ETFDH: variants seen among roughly 807,000 people sequenced by gnomAD.
The protein encoded by ETFDH is electron transfer flavoprotein-ubiquinone oxidoreductase, mitochondrial.
A neutral mutation model predicts 73.2 loss-of-function variants in ETFDH; 61 were observed. The ratio of observed to expected loss-of-function variants is 0.83; its 90% CI spans 0.68 to 1.03. The LOEUF (loss-of-function observed/expected upper bound fraction) is 1.03. Among genes scored for constraint, ETFDH ranks in the 50% least tolerant of loss-of-function variants. The probability of loss-of-function intolerance (pLI) is 0.00; values close to 1 mark genes in which losing one functional copy is unlikely to be tolerated. For synonymous variants in ETFDH, 243 were observed against 253.3 expected (o/e 0.96, Z 0.39); for missense variants, 685 against 745.0 (o/e 0.92, Z 0.94).
chr4:158,685,411 T>C (rs935591259), intron 5 of ETFDH, among the ~76,000 whole-genome samples, 192 bp downstream of exon 5: 3 of 152,194 alleles, frequency 2.0e-5, no homozygotes, highest in Non-Finnish European at 4.4e-5. Context: ...CCCCATCAAG[T>C]GATTATCCAA....
At chr4:158,674,184 A>T (rs894736254) in intron 1 of ETFDH, among the ~76,000 whole-genome samples, 1 of 152,208 alleles carries the variant, frequency 6.6e-6, no homozygotes, top group Admixed American at 6.5e-5. Context: ...GTTATAGTGT[A>T]TTTGAACTCT....
Position 158,682,444 on chromosome 4 carries a change from ATACAAAGTCTAATCTTTTG to A in ETFDH, c.405+23_405+41del, listed in dbSNP as rs1185289448. 6.4e-7 allele frequency: 1 copy of A among 1,569,930 alleles called. No individual in the cohort carries two copies. The highest frequency in any genetic ancestry group is 1.7e-5 in the Admixed American group (1 of 59,910). The stretch of plus-strand genomic sequence containing the variant: ...AAGGGGGTATGAAAAATTGTTTTTT[ATACAAAGTCTAATCTTTTG>A]TAATTGTATTTCAGTAATTGTTCCC... On this transcript the variant is annotated intron_variant, in intron 3 of 12. Transcript: ENST00000511912.
chr4:158,695,793 T>C (rs1314368880), intron 7 of ETFDH, 150 bp downstream of exon 7: 24 of 658,576 alleles, frequency 3.6e-5, no homozygotes, highest in African/African-American at 1.8e-5. Context: ...ATTTGCGATA[T>C]TTTTCAAGGG....
chr4:158,690,708 A>G (rs1774143430), intron 6 of ETFDH, among the ~76,000 whole-genome samples: 1 of 151,404 alleles, frequency 6.6e-6, no homozygotes, highest in Admixed American at 6.6e-5. Context: ...GAAAGAACCA[A>G]CTTTGACTTA....
At chr4:158,702,938 C>T (rs1004871546) in intron 9 of ETFDH, among the ~76,000 whole-genome samples, 4 of 152,112 alleles carry the variant, frequency 2.6e-5, no homozygotes, top group Non-Finnish European at 5.9e-5. Context: ...TTCCCACCAA[C>T]AATGTGTGAG....
Position 158,699,093 on chromosome 4 carries a change from C to T in ETFDH, c.1079C>T (p.Ala360Val), listed in dbSNP as rs776428695. ...ACCTTGGAAGGTGGAAAAAGGATTGCATACGGAGCCAGAGCTCTCAATGAA... is the reference window on the plus strand; with the variant it reads ...ACCTTGGAAGGTGGAAAAAGGATTGTATACGGAGCCAGAGCTCTCAATGAA... ...RPTLEGGKRI[A>V]YGARALNEGG... Residue 360 changes from alanine to valine, a missense_variant, in exon 9 of 13, where the codon GCA becomes GTA. Ala to Val is a moderately conservative substitution (Grantham distance 64). Around this residue, in one of 3 missense-constraint regions of ETFDH, gnomAD observed 79 missense variants for 120.5 expected, o/e 0.66. Transcript: ENST00000511912. 4.2e-5 allele frequency: 68 copies of T among 1,613,834 alleles called. No homozygotes were observed. The highest frequency in any genetic ancestry group is 5.3e-5 in the Non-Finnish European group (63 of 1,179,848).
intron 8 of ETFDH, 101 bp from the exon 9 acceptor site, chr4:158,698,886 G>C: frequency 1.2e-6 from 1 of 835,266 alleles, no homozygotes; most frequent in South Asian, 1.5e-5. Context: ...TTGAGTAAAA[G>C]AAATTTAACC....
At chr4:158,691,745 A>G (rs1290211476) in intron 6 of ETFDH, among the ~76,000 whole-genome samples, 1 of 152,216 alleles carries the variant, frequency 6.6e-6, no homozygotes, top group Non-Finnish European at 1.5e-5. Flanking sequence ...CACATCTTGT[A>G]TTTTTGAATC....
At chr4:158,692,374 T>A (rs112721251) in intron 6 of ETFDH, among the ~76,000 whole-genome samples, 2,358 of 135,896 alleles carry the variant, frequency 0.017, 18 homozygotes, top group Non-Finnish European at 0.025. Flanking sequence ...CACTCCAGCC[T>A]GGGCTACAGA....
intron 4 of ETFDH, 144 bp from the exon 5 acceptor site, chr4:158,684,957 A>G: frequency 4.7e-6 from 3 of 644,516 alleles, no homozygotes; most frequent in Admixed American, 2.8e-5. Flanking sequence ...CTAGACCAAA[A>G]TTGTAGAAAA....
chr4:158,675,550 C>T (rs772427914), intron 1 of ETFDH, among the ~76,000 whole-genome samples: 51 of 152,012 alleles, frequency 3.4e-4, no homozygotes, highest in Non-Finnish European at 6.3e-4. Flanking sequence ...GCATATTGCT[C>T]GAGCCCAGGA....
At chr4:158,673,813 A>T (rs540097170) in intron 1 of ETFDH, among the ~76,000 whole-genome samples, 2 of 152,164 alleles carry the variant, frequency 1.3e-5, no homozygotes, top group African/African-American at 2.4e-5. Flanking sequence ...ATTCATTGCC[A>T]TTTTCGTAGC....
At chr4:158,702,963 C>T (rs1354496689) in intron 9 of ETFDH, among the ~76,000 whole-genome samples, 1 of 152,142 alleles carries the variant, frequency 6.6e-6, no homozygotes, top group Non-Finnish European at 1.5e-5. Flanking sequence ...CTTTTTCCCA[C>T]ATCCTCACCA....
At chr4:158,681,012 A>G (rs1348582826) in intron 2 of ETFDH, among the ~76,000 whole-genome samples, 1 of 150,920 alleles carries the variant, frequency 6.6e-6, no homozygotes, top group Non-Finnish European at 1.5e-5. Flanking sequence ...TATTTACTGT[A>G]TTATACTTTT....
intron 2 of ETFDH, chr4:158,681,929 C>G (rs546116016): frequency 3.6e-4 from 170 of 467,246 alleles, no homozygotes; most frequent in Middle Eastern, 6.2e-4. Context: ...CTGTATTTTA[C>G]ACAAGTAAAT....
At chr4:158,685,242 T>G (rs1406523707) in intron 5 of ETFDH, 23 bp downstream of exon 5, 1 of 1,277,324 alleles carries the variant, frequency 7.8e-7, no homozygotes, top group Non-Finnish European at 1.1e-6. Context: ...TTGTTTTGTT[T>G]TAATATTTAT....
rs895473815 is a variant in ETFDH at position 158,709,425 on chromosome 4, G to C, written c.*898G>C. On this transcript the variant is annotated 3_prime_UTR_variant, in exon 13 of 13. Transcript: ENST00000511912. ...CACGTGCCTGTAATCCCAGCTACTTGGGAAGCTGAGGCAGGAGAATTGCTT... is the reference window on the plus strand; with the variant it reads ...CACGTGCCTGTAATCCCAGCTACTTCGGAAGCTGAGGCAGGAGAATTGCTT... The C allele has an allele frequency of 2.1e-5, 4 of 187,820 alleles. No individual in the cohort carries two copies. The highest frequency in any genetic ancestry group is 6.0e-5 in the Admixed American group (1 of 16,650). 11.6% of individuals were successfully genotyped at this position (187,820 alleles called of 1,614,324 possible).
chr4:158,676,721 TTA>T (rs1413885712), intron 1 of ETFDH, among the ~76,000 whole-genome samples: 1 of 152,240 alleles, frequency 6.6e-6, no homozygotes, highest in Non-Finnish European at 1.5e-5. Flanking sequence ...GGTGGTTTTA[TTA>T]TTGCTTGACT....
chr4:158,681,892 G>A (rs1773867965), intron 2 of ETFDH: 1 of 391,442 alleles, frequency 2.6e-6, no homozygotes, highest in Admixed American at 4.0e-5. Flanking sequence ...TTCTCAGAAA[G>A]CATTTCTGTC....
Sources: allele counts gnomAD v4.1 joint callset (sites outside exome capture counted in the v4.1 genomes callset), GRCh38; gene constraint gnomAD v4.1.1; regional missense constraint gnomAD v4.1.1; transcripts MANE v1.5; gene names NCBI Gene and HGNC (gene_info 2026-07-23, HGNC 2026-07-21).